The following ADAMTS17 variants were observed in gnomAD, a reference collection of about 807,000 sequenced individuals.
The protein encoded by ADAMTS17 is A disintegrin and metalloproteinase with thrombospondin motifs 17.
A neutral mutation model predicts 141.5 loss-of-function variants in ADAMTS17; 113 were observed. That is an observed-to-expected ratio of 0.80 (90% CI 0.69 to 0.93). The LOEUF (loss-of-function observed/expected upper bound fraction) is 0.93. ADAMTS17 is among the 40% of genes least tolerant of loss of function. The pLI, the probability that ADAMTS17 is intolerant of heterozygous loss-of-function variation, is 0.00. For missense variants in ADAMTS17, 1,659 were observed against 1,517.9 expected (o/e 1.09, Z -1.54); for synonymous variants, 768 against 630.6 (o/e 1.22, Z -3.27).
intron 16 of ADAMTS17, among the ~76,000 whole-genome samples, chr15:100,052,769 A>G (rs540467169): frequency 2.2e-4 from 33 of 152,366 alleles, no homozygotes; most frequent in African/African-American, 7.9e-4. Context: ...TGGGTCCCAG[A>G]AACCTACTTG....
intron 18 of ADAMTS17, among the ~76,000 whole-genome samples, chr15:100,042,411 C>T (rs1195543234): frequency 6.6e-6 from 1 of 152,186 alleles, no homozygotes; most frequent in Non-Finnish European, 1.5e-5. Context: ...TAGTACTGAA[C>T]CCTGTATATA....
At chr15:100,225,654 C>T (rs917732576) in intron 7 of ADAMTS17, among the ~76,000 whole-genome samples, 8 of 148,742 alleles carry the variant, frequency 5.4e-5, no homozygotes, top group East Asian at 2.0e-4. Context: ...ACAGCAGTCA[C>T]GGTCTCTGTG....
At chr15:100,050,678 T>G (rs1050800883) in intron 17 of ADAMTS17, among the ~76,000 whole-genome samples, 4 of 152,214 alleles carry the variant, frequency 2.6e-5, no homozygotes, top group African/African-American at 4.8e-5. Context: ...AGTCAATAGG[T>G]GCTCAGGACT....
At position 100,296,230 on chromosome 15, in the gene ADAMTS17, T is replaced by C. The variant is rs886168646; in HGVS notation, c.617-14829A>G. 1.8e-4 allele frequency among the ~76,000 whole-genome samples: 27 copies of C among 151,974 alleles called. 1 individual carries two copies. The highest frequency in any genetic ancestry group is 3.4e-3 in the Middle Eastern group (1 of 294). On this transcript the variant is annotated intron_variant, in intron 3 of 21. Transcript: ENST00000268070. ...GCAAACAACATGTTTTCCAATGAAA[T>C]TGCCAGGTCCAAGAAAACTGCTTTG...
chr15:99,973,891 GGA>G lies in ADAMTS17; in HGVS notation c.*509_*510del. 1 of 219,260 alleles carries G rather than the reference GGA, an allele frequency of 4.6e-6. No individual in the cohort carries two copies. The highest frequency in any genetic ancestry group is 9.2e-6 in the Non-Finnish European group (1 of 108,792). The allele number at this position is 219,260 out of a possible 1,614,324, so 13.6% of individuals were successfully genotyped here. On this transcript the variant is annotated 3_prime_UTR_variant, in exon 22 of 22. Coordinates refer to ENST00000268070, the MANE Select transcript of ADAMTS17 (RefSeq NM_139057.4). ...TTCTCATGTGGTCAAGAAGGTAGAT[GGA>G]GAGAAACGTGTGCTAAGCAGCCCGG...
chr15:100,004,350 G>A (rs1020971274), intron 18 of ADAMTS17, among the ~76,000 whole-genome samples: 6 of 152,132 alleles, frequency 3.9e-5, no homozygotes, highest in Non-Finnish European at 8.8e-5. Context: ...GTGGCATAAA[G>A]AAATCATTTC....
At chr15:100,131,222 G>A (rs567970845) in intron 12 of ADAMTS17, among the ~76,000 whole-genome samples, 2 of 146,104 alleles carry the variant, frequency 1.4e-5, no homozygotes, top group Admixed American at 6.8e-5. Flanking sequence ...TGTCGAGGGG[G>A]TTGAGGGGCA....
At chr15:100,054,704 G>A (rs1010500631) in intron 15 of ADAMTS17, among the ~76,000 whole-genome samples, 4 of 152,346 alleles carry the variant, frequency 2.6e-5, no homozygotes, top group East Asian at 1.9e-4. Context: ...GTGGTTGGGG[G>A]CTGAGCGTAG....
chr15:100,124,515 C>G (rs2037622233), intron 12 of ADAMTS17, among the ~76,000 whole-genome samples: 1 of 152,182 alleles, frequency 6.6e-6, no homozygotes, highest in Non-Finnish European at 1.5e-5. Context: ...AGAAAGCCAC[C>G]CCAGCCACGG....
chr15:100,153,347 G>T (rs1440908604), intron 9 of ADAMTS17, among the ~76,000 whole-genome samples: 1 of 152,120 alleles, frequency 6.6e-6, no homozygotes, highest in African/African-American at 2.4e-5. Context: ...GTCTCTAAAA[G>T]AGTGAACTGG....
intron 20 of ADAMTS17, among the ~76,000 whole-genome samples, chr15:99,977,924 G>C (rs1163812953): frequency 1.3e-5 from 2 of 152,138 alleles, no homozygotes; most frequent in African/African-American, 4.8e-5. Context: ...CACAACCCCT[G>C]ATTTACAGGG....
At chr15:100,031,097 G>A (rs2030117612) in intron 18 of ADAMTS17, among the ~76,000 whole-genome samples, 1 of 152,188 alleles carries the variant, frequency 6.6e-6, no homozygotes, top group African/African-American at 2.4e-5. Context: ...CATTTCCCAT[G>A]TTTACAGATG....
chr15:100,232,912 C>T (rs902694540), intron 7 of ADAMTS17, among the ~76,000 whole-genome samples: 11 of 152,166 alleles, frequency 7.2e-5, no homozygotes, highest in Non-Finnish European at 1.0e-4. Flanking sequence ...GGAGGGACGC[C>T]GTGAATCTCC....
At chr15:100,140,484 C>T (rs369522399) in intron 10 of ADAMTS17, among the ~76,000 whole-genome samples, 17 of 40,868 alleles carry the variant, frequency 4.2e-4, no homozygotes, top group South Asian at 1.1e-3. Flanking sequence ...CACACACATA[C>T]ATACATATAT....
At chr15:100,139,713 A>G (rs1015705661) in intron 10 of ADAMTS17, among the ~76,000 whole-genome samples, 2 of 152,202 alleles carry the variant, frequency 1.3e-5, no homozygotes, top group African/African-American at 4.8e-5. Flanking sequence ...CGGAACCTCA[A>G]TCTAGTCGTG....
intron 18 of ADAMTS17, among the ~76,000 whole-genome samples, chr15:100,041,970 G>C (rs189749653): frequency 6.6e-6 from 1 of 152,196 alleles, no homozygotes; most frequent in African/African-American, 2.4e-5. Context: ...CACCTTGCCA[G>C]GTTCAACAGT....
chr15:100,228,498 GAACT>G (rs2042377693), intron 7 of ADAMTS17, among the ~76,000 whole-genome samples: 1 of 152,172 alleles, frequency 6.6e-6, no homozygotes, highest in South Asian at 2.1e-4. Context: ...GTGCATTAAT[GAACT>G]AACTGAAAGA....
At chr15:99,974,624 G>A in intron 21 of ADAMTS17, 62 bp from the exon 22 acceptor site, 1 of 1,602,378 alleles carries the variant, frequency 6.2e-7, no homozygotes. Flanking sequence ...CCTGATGCAG[G>A]CACAGGGAGG....
chr15:100,115,143 T>C (rs939683051), intron 13 of ADAMTS17, among the ~76,000 whole-genome samples: 5 of 152,120 alleles, frequency 3.3e-5, no homozygotes, highest in African/African-American at 1.2e-4. Context: ...AGGTTCGGAT[T>C]CAAGGCTGCT....
Sources: gnomAD v4.1 joint callset for allele counts (sites outside exome capture counted in the v4.1 genomes callset) on GRCh38, gnomAD v4.1.1 for gene constraint, MANE v1.5 for transcripts, NCBI Gene and HGNC (gene_info 2026-07-23, HGNC 2026-07-21) for gene names.